Variants in DMD observed in about 807,000 individuals in gnomAD.
The protein encoded by DMD is mutant dystrophin.
In DMD, 63 loss-of-function variants were observed where a neutral mutation model predicts 330.1. The ratio of observed to expected loss-of-function variants is 0.19; its 90% CI spans 0.16 to 0.24. The LOEUF (loss-of-function observed/expected upper bound fraction) is 0.24. Ranked by LOEUF, DMD falls within the 10% of genes least tolerant of loss-of-function variation. The pLI is 1.00. For synonymous variants in DMD, 1,223 were observed against 959.8 expected (o/e 1.27, Z -5.07); for missense variants, 3,344 against 2,684.1 (o/e 1.25, Z -5.43).
At chrX:32,783,557 G>T (rs2075082060) in intron 7 of DMD, among the ~76,000 whole-genome samples, 1 of 110,074 alleles carries the variant, frequency 9.1e-6, no homozygotes, top group African/African-American at 3.3e-5. Flanking sequence ...TGTACTCAGA[G>T]CCCCTGTAAC....
At position 32,429,387 on chromosome X, in the gene DMD, GTTTTT is replaced by G. The variant is rs10692022; in HGVS notation, c.4071+8849_4071+8853del. On this transcript the variant is annotated intron_variant, in intron 29 of 78. Transcript: ENST00000357033. ...ACCAAGCCTGGATACTTTTTTTTGG[GTTTTT>G]TTTTTTTTTTTTTTTTTTTGTATTT... Among the ~76,000 whole-genome samples, 17 of 44,202 alleles carry G rather than the reference GTTTTT, an allele frequency of 3.8e-4. No homozygotes were observed. In the East Asian group the frequency reaches 5.9e-3, roughly 15 times the overall value. The allele number at this position is 44,202 out of a possible 115,157, so 38.4% of individuals were successfully genotyped here. A position where few individuals can be genotyped will look rare whatever the true frequency, so the allele number is the denominator to read the frequency against.
At chrX:32,999,695 G>A (rs915455096) in intron 2 of DMD, among the ~76,000 whole-genome samples, 1 of 110,477 alleles carries the variant, frequency 9.1e-6, no homozygotes, top group African/African-American at 3.3e-5. Flanking sequence ...AGAATCGCTT[G>A]AACTAGGGAG....
In DMD at chrX:32,401,569, G is replaced by A. The variant is rs774526501; in HGVS notation, c.4233+10183C>T. Among the ~76,000 whole-genome samples the A allele has an allele frequency of 2.7e-5, 3 of 111,550 alleles. No individual in the cohort carries two copies. The East Asian group carries it at 8.5e-4, about 32-fold the overall frequency. ...AAGGATCCTTACTAGAGGCTGGGAA[G>A]GGTAGTCAGGGGTTGGGGAGGAAGT... On this transcript the variant is annotated intron_variant, in intron 30 of 78. Coordinates refer to ENST00000357033, the MANE Select transcript of DMD (RefSeq NM_004006.3).
At chrX:32,465,582 G>GTTTTTTTTTTTTTTTTTTTTTTTTTTTTT (rs1191063866) in intron 23 of DMD, among the ~76,000 whole-genome samples, 1 of 76,666 alleles carries the variant, frequency 1.3e-5, no homozygotes, top group Non-Finnish European at 2.4e-5. Flanking sequence ...TTTGTTTTTT[G>GTTTTTTTTTTTTTTTTTTTTTTTTTTTTT]TTTTTTTTTT....
At chrX:32,046,507 C>T (rs1322699185) in intron 44 of DMD, among the ~76,000 whole-genome samples, 2 of 112,125 alleles carry the variant, frequency 1.8e-5, no homozygotes, top group African/African-American at 6.5e-5. Context: ...CCTTAAATTT[C>T]GAAATCTACG....
intron 63 of DMD, among the ~76,000 whole-genome samples, chrX:31,251,484 C>T (rs2049362057): frequency 2.7e-5 from 3 of 111,828 alleles, no homozygotes; most frequent in Admixed American, 9.5e-5. Context: ...AAGCGATGAA[C>T]GCTTTGTGGA....
At chrX:32,229,925 A>G (rs764062222) in intron 43 of DMD, among the ~76,000 whole-genome samples, 50 of 107,550 alleles carry the variant, frequency 4.6e-4, no homozygotes, top group South Asian at 1.2e-3. Flanking sequence ...ACTATGCTGT[A>G]TAATAGATCT....
chrX:31,284,571 T>TCTTCTTCTTCTTCTTCTTC (rs2052936009), intron 62 of DMD, among the ~76,000 whole-genome samples: 1 of 79,370 alleles, frequency 1.3e-5, no homozygotes, highest in East Asian at 3.6e-4. Flanking sequence ...TTCTTCTTCT[T>TCTTCTTCTTCTTCTTCTTC]CTTCTTCTTC....
At chrX:31,326,628 C>A (rs1242233527) in intron 61 of DMD, among the ~76,000 whole-genome samples, 1 of 109,679 alleles carries the variant, frequency 9.1e-6, no homozygotes, top group African/African-American at 3.3e-5. Flanking sequence ...CAACAGCCTC[C>A]CCTCATTCCT....
intron 44 of DMD, among the ~76,000 whole-genome samples, chrX:32,205,580 T>C (rs2097064712): frequency 9.0e-6 from 1 of 111,502 alleles, no homozygotes; most frequent in African/African-American, 3.3e-5. Context: ...GTTTCAATTG[T>C]TTAAATGTCC....
At chrX:32,336,066 CGT>C (rs1248685667) in intron 41 of DMD, among the ~76,000 whole-genome samples, 2 of 102,419 alleles carry the variant, frequency 2.0e-5, no homozygotes, top group African/African-American at 7.3e-5. Flanking sequence ...TTATATATAA[CGT>C]GTGTATAACA....
chrX:33,129,819 G>A (rs1486835691), intron 1 of DMD, among the ~76,000 whole-genome samples: 1 of 111,737 alleles, frequency 8.9e-6, no homozygotes, highest in African/African-American at 3.2e-5. Context: ...GAATGGAAAT[G>A]GAGGTTGCCT....
chrX:32,648,894 G>A (rs998550171), intron 9 of DMD, among the ~76,000 whole-genome samples: 1 of 111,534 alleles, frequency 9.0e-6, no homozygotes, highest in East Asian at 2.8e-4. Context: ...GATTTTCTAG[G>A]AAAGTTGGTT....
At chrX:32,161,363 T>A (rs747784621) in intron 44 of DMD, among the ~76,000 whole-genome samples, 7 of 111,591 alleles carry the variant, frequency 6.3e-5, no homozygotes, top group Non-Finnish European at 1.3e-4. Context: ...CCTGGACATC[T>A]GGCAGATTCC....
chrX:31,614,236 A>C (rs1051262396), intron 55 of DMD, among the ~76,000 whole-genome samples: 9 of 112,258 alleles, frequency 8.0e-5, no homozygotes, highest in African/African-American at 2.9e-4. Context: ...CCTTGAATTT[A>C]ATCCAATATT....
intron 55 of DMD, among the ~76,000 whole-genome samples, chrX:31,620,560 G>A (rs1184609554): frequency 6.4e-5 from 7 of 109,401 alleles, no homozygotes; most frequent in South Asian, 4.0e-4. Flanking sequence ...GATTACAGGC[G>A]TGTGCCACCA....
intron 44 of DMD, among the ~76,000 whole-genome samples, chrX:32,045,834 C>T (rs188033500): frequency 1.1e-3 from 129 of 112,522 alleles, no homozygotes; most frequent in African/African-American, 4.1e-3. Flanking sequence ...ATTTTAAATG[C>T]TTTCAAAAAA....
At chrX:32,418,774 C>T (rs1441997387) in intron 29 of DMD, among the ~76,000 whole-genome samples, 1 of 107,691 alleles carries the variant, frequency 9.3e-6, no homozygotes, top group African/African-American at 3.5e-5. Context: ...GAGATCGAAA[C>T]CATCCTGGCT....
rs370025674 is a variant in DMD at position 31,420,957 on chromosome X, C to T, written c.9084+23524G>A. ...TCAACTTAAAATCAGTGCCTTGCTCCCATCCAGTGCCACATGAAATCCAAG... is the reference window on the plus strand; with the variant it reads ...TCAACTTAAAATCAGTGCCTTGCTCTCATCCAGTGCCACATGAAATCCAAG... On this transcript the variant is annotated intron_variant, in intron 60 of 78. Coordinates refer to ENST00000357033, the MANE Select transcript of DMD (RefSeq NM_004006.3). 5.4e-5 allele frequency among the ~76,000 whole-genome samples: 6 copies of T among 112,060 alleles called. No individual in the cohort carries two copies. The East Asian group carries it at 1.7e-3, about 31-fold the overall frequency.
Sources: allele counts gnomAD v4.1 joint callset (sites outside exome capture counted in the v4.1 genomes callset), GRCh38; gene constraint gnomAD v4.1.1; transcripts MANE v1.5; gene names NCBI Gene and HGNC (gene_info 2026-07-23, HGNC 2026-07-21).